Variants in AOPEP observed in about 807,000 individuals in gnomAD.
The protein encoded by AOPEP is aminopeptidase O.
AOPEP carries 77 observed loss-of-function variants against 98.1 expected under a neutral mutation model. The ratio of observed to expected loss-of-function variants is 0.78; its 90% CI spans 0.65 to 0.95. The LOEUF is 0.95. AOPEP is among the 40% of genes least tolerant of loss of function. The pLI, the probability that AOPEP is intolerant of heterozygous loss-of-function variation, is 0.00. For missense variants in AOPEP, 1,024 were observed against 1,024.7 expected (o/e 1.00, Z 0.01); for synonymous variants, 346 against 365.3 (o/e 0.95, Z 0.60).
At chr9:94,806,092 G>A (rs1213713284) in intron 5 of AOPEP, among the ~76,000 whole-genome samples, 1 of 152,066 alleles carries the variant, frequency 6.6e-6, no homozygotes, top group Non-Finnish European at 1.5e-5. Flanking sequence ...GATTTCAGGG[G>A]ATGTGACCCC....
chr9:95,078,087 T>G (rs2069285817), intron 14 of AOPEP, among the ~76,000 whole-genome samples: 1 of 152,150 alleles, frequency 6.6e-6, no homozygotes, highest in African/African-American at 2.4e-5. Context: ...TGGTCTGTCC[T>G]TCCTGGATGC....
At position 94,773,035 on chromosome 9, in the gene AOPEP, C is replaced by T. The variant is rs374006392; in HGVS notation, c.831C>T (p.Asn277=). Residue 277 remains asparagine (N), a synonymous_variant, in exon 3 of 17, where the codon AAC becomes AAT. Coordinates refer to ENST00000375315, the MANE Select transcript of AOPEP (RefSeq NM_001193329.3). ...PCVYTVGSPI[N]NRALFPCQEP... ...TTTATACTGTGGGATCTCCCATAAA[C>T]AACAGGGCCCTTTTTCCATGCCAGG... 1.9e-6 allele frequency: 3 copies of T among 1,613,922 alleles called. No homozygotes were observed. Among genetic ancestry groups the T allele is most frequent in the Non-Finnish European group, 2.5e-6 (3 of 1,179,978 alleles).
intron 5 of AOPEP, among the ~76,000 whole-genome samples, chr9:94,919,018 C>G (rs2053221131): frequency 6.6e-6 from 1 of 151,936 alleles, no homozygotes; most frequent in East Asian, 1.9e-4. Flanking sequence ...CAGGTTCAAG[C>G]CATTCTCTTG....
At chr9:94,958,177 CATA>C (rs2058596915) in intron 9 of AOPEP, among the ~76,000 whole-genome samples, 1 of 152,206 alleles carries the variant, frequency 6.6e-6, no homozygotes, top group Non-Finnish European at 1.5e-5. Flanking sequence ...CTTCACTTAG[CATA>C]ATGTCTTCAG....
intron 5 of AOPEP, among the ~76,000 whole-genome samples, chr9:94,848,411 C>T (rs2043114337): frequency 7.1e-6 from 1 of 141,512 alleles, no homozygotes; most frequent in Non-Finnish European, 1.5e-5. Flanking sequence ...GAGATTACAC[C>T]ACTGCACTCC....
intron 9 of AOPEP, among the ~76,000 whole-genome samples, chr9:94,964,180 G>T (rs1353948375): frequency 6.6e-6 from 1 of 152,202 alleles, no homozygotes; most frequent in Non-Finnish European, 1.5e-5. Flanking sequence ...AGGATTTTGC[G>T]ATCCCCTGGG....
At chr9:94,897,033 T>G (rs1395746221) in intron 5 of AOPEP, among the ~76,000 whole-genome samples, 1 of 151,858 alleles carries the variant, frequency 6.6e-6, no homozygotes, top group Non-Finnish European at 1.5e-5. Context: ...TAGTTTGTCC[T>G]CAGTAAATTT....
chr9:94,801,046 A>T (rs746139940), intron 5 of AOPEP, 44 bp downstream of exon 5: 1 of 1,606,496 alleles, frequency 6.2e-7, no homozygotes, highest in Non-Finnish European at 8.5e-7. Context: ...ACATTTTGGA[A>T]ATTCTTTGAC....
chr9:95,017,523 G>A (rs141939145), intron 13 of AOPEP, among the ~76,000 whole-genome samples: 12 of 152,316 alleles, frequency 7.9e-5, no homozygotes, highest in Admixed American at 7.2e-4. Context: ...CTGAAATGTC[G>A]TTATGCAGCG....
the AOPEP span, among the ~76,000 whole-genome samples, chr9:95,096,987 G>A: frequency 6.6e-6 from 1 of 152,104 alleles, no homozygotes; most frequent in African/African-American, 2.4e-5. Context: ...AATGTCTGGA[G>A]AAAGTTTTGT....
intron 13 of AOPEP, among the ~76,000 whole-genome samples, chr9:95,049,872 G>T (rs988419160): frequency 6.6e-6 from 1 of 152,160 alleles, no homozygotes; most frequent in Non-Finnish European, 1.5e-5. Context: ...CATTTTTGAA[G>T]ACTCGTTGAT....
intron 10 of AOPEP, among the ~76,000 whole-genome samples, chr9:94,974,834 C>A (rs988330058): frequency 1.3e-5 from 2 of 152,170 alleles, no homozygotes; most frequent in African/African-American, 2.4e-5. Context: ...TTCATAGCCA[C>A]GCACCAAAGG....
chr9:95,011,698 G>A (rs1225324819), intron 13 of AOPEP, among the ~76,000 whole-genome samples: 1 of 152,100 alleles, frequency 6.6e-6, no homozygotes, highest in Non-Finnish European at 1.5e-5. Context: ...TGTAGTCCCA[G>A]CCACTCAGGA....
intron 1 of AOPEP, among the ~76,000 whole-genome samples, chr9:94,748,260 T>C (rs984786761): frequency 6.6e-5 from 10 of 152,216 alleles, no homozygotes; most frequent in Non-Finnish European, 1.2e-4. Context: ...GTTGTTCCTC[T>C]GTGTGTAATA....
At chr9:94,960,795 G>A (rs143261249) in intron 9 of AOPEP, among the ~76,000 whole-genome samples, 4 of 152,058 alleles carry the variant, frequency 2.6e-5, no homozygotes, top group Admixed American at 1.3e-4. Flanking sequence ...GGCAGATCAC[G>A]AGGTCAGGAG....
intron 5 of AOPEP, among the ~76,000 whole-genome samples, chr9:94,915,216 C>T (rs62579047): frequency 0.03 from 4,515 of 152,204 alleles, 116 homozygotes; most frequent in Non-Finnish European, 0.042. Context: ...AATGAGTTAA[C>T]GAACATAAAA....
At chr9:94,796,163 G>A (rs534737686) in intron 4 of AOPEP, among the ~76,000 whole-genome samples, 11 of 152,302 alleles carry the variant, frequency 7.2e-5, no homozygotes, top group Admixed American at 3.9e-4. Context: ...GGAGAGGTCC[G>A]GGTGCCACTC....
At chr9:95,017,736 C>T (rs530179799) in intron 13 of AOPEP, among the ~76,000 whole-genome samples, 7 of 152,316 alleles carry the variant, frequency 4.6e-5, no homozygotes, top group African/African-American at 1.2e-4. Context: ...GTACCTGATA[C>T]GACAGTCCAG....
At chr9:94,728,239 G>GCGCGCGCGCACACACACA (rs113657409) in intron 1 of AOPEP, among the ~76,000 whole-genome samples, 6 of 146,512 alleles carry the variant, frequency 4.1e-5, no homozygotes, top group African/African-American at 1.5e-4. Flanking sequence ...GTGCGCGCAT[G>GCGCGCGCGCACACACACA]CACACACACA....
Sources: gnomAD v4.1 joint callset for allele counts (sites outside exome capture counted in the v4.1 genomes callset) on GRCh38, gnomAD v4.1.1 for gene constraint, MANE v1.5 for transcripts, NCBI Gene and HGNC (gene_info 2026-07-23, HGNC 2026-07-21) for gene names.